The following CTXND1 variants were observed in gnomAD, a reference collection of about 807,000 sequenced individuals.
The protein encoded by CTXND1 is cortexin domain containing 1.
At chr15:80,240,360 A>C (rs1893551565) in intron 1 of CTXND1, among the ~76,000 whole-genome samples, 1 of 152,190 alleles carries the variant, frequency 6.6e-6, no homozygotes, top group Non-Finnish European at 1.5e-5. Flanking sequence ...AGGAAGACCA[A>C]GGTCTCCCTC....
intron 1 of CTXND1, among the ~76,000 whole-genome samples, chr15:80,205,826 A>C (rs1009779504): frequency 8.5e-5 from 13 of 152,236 alleles, no homozygotes; most frequent in Non-Finnish European, 1.9e-4. Context: ...GAGAATAAAA[A>C]GCCTTTTTCC....
chr15:80,218,718 A>G (rs1893280523), intron 1 of CTXND1, among the ~76,000 whole-genome samples: 1 of 151,980 alleles, frequency 6.6e-6, no homozygotes, highest in Non-Finnish European at 1.5e-5. Context: ...TTTAACCAAT[A>G]TTAGTATTTC....
intron 1 of CTXND1, among the ~76,000 whole-genome samples, chr15:80,231,713 T>G (rs188289511): frequency 1.7e-4 from 26 of 152,198 alleles, no homozygotes; most frequent in African/African-American, 5.8e-4. Context: ...CCAGGCAGAG[T>G]GTTGCCCAGG....
chr15:80,220,579 C>G (rs1159436565), intron 1 of CTXND1, among the ~76,000 whole-genome samples: 1 of 152,128 alleles, frequency 6.6e-6, no homozygotes, highest in Non-Finnish European at 1.5e-5. Context: ...TCATGAAAAA[C>G]TCTGTTAGGG....
rs2041425101 is a variant in CTXND1 at position 80,197,271 on chromosome 15, A to G, written c.*4499T>C. 6.6e-6 allele frequency: 1 copy of G among 151,914 alleles called. No homozygotes were observed. Among genetic ancestry groups the G allele is most frequent in the South Asian group, 2.1e-4 (1 of 4,814 alleles). The allele number at this position is 151,914 out of a possible 1,614,324, so 9.4% of individuals were successfully genotyped here. On this transcript the variant is annotated 3_prime_UTR_variant, in exon 3 of 3. Coordinates refer to ENST00000560778, the MANE Select transcript of CTXND1 (RefSeq NM_001352888.2). ...TTTGTAGATAAACAGATTCTTGCTT[A>G]TGTTGCCAGGCTGGTTTCAAACTCC...
At chr15:80,220,998 T>C (rs780886248) in intron 1 of CTXND1, among the ~76,000 whole-genome samples, 187 of 151,560 alleles carry the variant, frequency 1.2e-3, no homozygotes, top group Admixed American at 2.4e-3. Flanking sequence ...AAGCTCCGCC[T>C]CCCGGGTTCA....
At chr15:80,227,468 C>T (rs1198877430) in intron 1 of CTXND1, among the ~76,000 whole-genome samples, 4 of 152,064 alleles carry the variant, frequency 2.6e-5, no homozygotes, top group South Asian at 2.1e-4. Flanking sequence ...AGTAGACATC[C>T]GGCTATATAA....
chr15:80,211,011 C>T (rs1381569516), intron 1 of CTXND1, among the ~76,000 whole-genome samples: 4 of 152,206 alleles, frequency 2.6e-5, no homozygotes, highest in African/African-American at 9.7e-5. Context: ...CAGATACAGT[C>T]ACATCGGGGG....
rs1893111100 is a variant in CTXND1, at chr15:80,203,593, T to TG, written c.-71dup. 1 of 152,262 alleles carries TG rather than the reference T, an allele frequency of 6.6e-6. No individual in the cohort carries two copies. Among genetic ancestry groups the TG allele is most frequent in the Non-Finnish European group, 1.5e-5 (1 of 68,144 alleles). 9.4% of individuals were successfully genotyped at this position (152,262 alleles called of 1,614,324 possible). On this transcript the variant is annotated 5_prime_UTR_variant, in exon 2 of 3. Coordinates refer to ENST00000560778, the MANE Select transcript of CTXND1 (RefSeq NM_001352888.2). The stretch of plus-strand genomic sequence containing the variant: ...TCACTCTCGGGGGACACTGACCTGC[T>TG]GACTGGAGTGGTCACCACTTCATAA...
chr15:80,245,866 A>G (rs1204717355), intron 1 of CTXND1, among the ~76,000 whole-genome samples: 2 of 152,060 alleles, frequency 1.3e-5, no homozygotes, highest in Admixed American at 1.3e-4. Flanking sequence ...CTACTGATGG[A>G]CAACCCCCAA....
chr15:80,202,961 A>G (rs1171877104), intron 2 of CTXND1, among the ~76,000 whole-genome samples: 1 of 152,176 alleles, frequency 6.6e-6, no homozygotes, highest in Admixed American at 6.5e-5. Context: ...TCATCTTGGG[A>G]TGATTTGCAA....
At chr15:80,244,411 G>T (rs915184032) in intron 1 of CTXND1, among the ~76,000 whole-genome samples, 1 of 152,200 alleles carries the variant, frequency 6.6e-6, no homozygotes, top group East Asian at 1.9e-4. Flanking sequence ...CCCAACACAG[G>T]GTTGGTCATG....
chr15:80,204,207 CACAT>C (rs1567127663), intron 1 of CTXND1, among the ~76,000 whole-genome samples: 2 of 52,876 alleles, frequency 3.8e-5, no homozygotes, highest in African/African-American at 1.7e-4. Context: ...TATACACAAA[CACAT>C]ACACACATGC....
Position 80,199,718 on chromosome 15 carries a change from A to G in CTXND1, c.*2052T>C, listed in dbSNP as rs2041439071. The G allele has an allele frequency of 6.6e-6, 1 of 152,300 alleles. No homozygotes were observed. Among genetic ancestry groups the G allele is most frequent in the African/African-American group, 2.4e-5 (1 of 41,460 alleles). 9.4% of individuals were successfully genotyped at this position (152,300 alleles called of 1,614,324 possible). A position where few individuals can be genotyped will look rare whatever the true frequency, so the allele number is the denominator to read the frequency against. ...TGGGTAGGAGAGGGGTATGAGAGGG[A>G]TGACAACTGGATAGCCCCTGAAATG... is the stretch of plus-strand genomic sequence containing the variant. On this transcript the variant is annotated 3_prime_UTR_variant, in exon 3 of 3. Coordinates refer to ENST00000560778, the MANE Select transcript of CTXND1 (RefSeq NM_001352888.2).
At chr15:80,237,832 A>C (rs1893518791) in intron 1 of CTXND1, among the ~76,000 whole-genome samples, 1 of 151,978 alleles carries the variant, frequency 6.6e-6, no homozygotes, top group Non-Finnish European at 1.5e-5. Flanking sequence ...AACATGGCAA[A>C]ATCCCATCTC....
chr15:80,220,570 C>A (rs1893303970), intron 1 of CTXND1, among the ~76,000 whole-genome samples: 1 of 152,124 alleles, frequency 6.6e-6, no homozygotes, highest in Admixed American at 6.5e-5. Context: ...TTGTTGAGTT[C>A]ATGAAAAACT....
At chr15:80,202,145 C>T in intron 2 of CTXND1, 131 bp from the exon 3 acceptor site, 1 of 386,950 alleles carries the variant, frequency 2.6e-6, no homozygotes, top group Non-Finnish European at 4.6e-6. Context: ...GACCACCCTG[C>T]AGGAGGGTAG....
chr15:80,247,823 C>G (rs376828329), intron 1 of CTXND1, among the ~76,000 whole-genome samples: 27 of 121,212 alleles, frequency 2.2e-4, no homozygotes, highest in African/African-American at 7.9e-4. Flanking sequence ...AATATATTAA[C>G]ATTTTAACTG....
chr15:80,243,734 G>T (rs1166096956), intron 1 of CTXND1, among the ~76,000 whole-genome samples: 2 of 152,218 alleles, frequency 1.3e-5, no homozygotes, highest in African/African-American at 4.8e-5. Flanking sequence ...AGATGTGGCT[G>T]TCTCACATTG....
Sources: gnomAD v4.1 joint callset for allele counts (sites outside exome capture counted in the v4.1 genomes callset) on GRCh38, gnomAD v4.1.1 for gene constraint, MANE v1.5 for transcripts, NCBI Gene and HGNC (gene_info 2026-07-23, HGNC 2026-07-21) for gene names.